Variants in KCNH1 observed in about 807,000 individuals in gnomAD.
KCNH1 encodes potassium voltage-gated channel subfamily H member 1, also known as voltage-gated delayed rectifier potassium channel KCNH1.
Under a neutral mutation model 69.2 loss-of-function variants are expected in KCNH1, and 27 were observed. The ratio of observed to expected loss-of-function variants is 0.39; its 90% confidence interval spans 0.29 to 0.54. KCNH1 has a LOEUF of 0.54. Among genes scored for constraint, KCNH1 ranks in the 20% least tolerant of loss-of-function variants. The pLI, the probability that KCNH1 is intolerant of heterozygous loss-of-function variation, is 0.68. For synonymous variants in KCNH1, 456 were observed against 487.7 expected, an observed-to-expected ratio of 0.93 and a Z score of 0.86; for missense variants, 798 against 1,261.6, an observed-to-expected ratio of 0.63 and a Z score of 5.57.
At chr1:210,894,856 T>C (rs1304909866) in intron 7 of KCNH1, among the ~76,000 whole-genome samples, 1 of 152,188 alleles carries the variant, frequency 6.6e-6, no homozygotes, top group Non-Finnish European at 1.5e-5. Context: ...CTCTTTTCTT[T>C]TTAAATTATC....
At chr1:210,732,725 C>G in intron 10 of KCNH1, among the ~76,000 whole-genome samples, 1 of 152,358 alleles carries the variant, frequency 6.6e-6, no homozygotes, top group African/African-American at 2.4e-5. Flanking sequence ...GGCAAGGGCT[C>G]TGTCTGCTTC....
intron 1 of KCNH1, among the ~76,000 whole-genome samples, chr1:211,111,874 C>T (rs1274134071): frequency 3.5e-5 from 2 of 57,090 alleles, no homozygotes; most frequent in African/African-American, 1.7e-4. Flanking sequence ...AGCACCTCTG[C>T]TTGGCTGCCC....
At chr1:210,877,714 T>C (rs1294493200) in intron 7 of KCNH1, among the ~76,000 whole-genome samples, 1 of 152,188 alleles carries the variant, frequency 6.6e-6, no homozygotes, top group African/African-American at 2.4e-5. Flanking sequence ...GCCTGTGTAC[T>C]CAGAGCTCCC....
At chr1:211,014,667 A>C (rs1689459570) in intron 6 of KCNH1, among the ~76,000 whole-genome samples, 1 of 152,188 alleles carries the variant, frequency 6.6e-6, no homozygotes, top group South Asian at 2.1e-4. Flanking sequence ...CAAAGCCAAC[A>C]CAGCTCACGT....
At chr1:210,825,849 G>A (rs1685020799) in intron 7 of KCNH1, among the ~76,000 whole-genome samples, 1 of 152,206 alleles carries the variant, frequency 6.6e-6, no homozygotes, top group Non-Finnish European at 1.5e-5. Flanking sequence ...CATTTATTAT[G>A]AGGAACTGGT....
Position 211,116,246 on chromosome 1 carries a change from T to A in KCNH1, c.80-8869A>T, listed in dbSNP as rs527960180. 2.0e-5 allele frequency among the ~76,000 whole-genome samples: 3 copies of A among 152,320 alleles called. No homozygotes were observed. The South Asian group carries it at 6.2e-4, about 32-fold the overall frequency. ...AACACCCTCTCAGAAACACTGAGAATAATGTTAGACTAAATATCTGGGCAC... is the reference window on the plus strand; with the variant it reads ...AACACCCTCTCAGAAACACTGAGAAAAATGTTAGACTAAATATCTGGGCAC... On this transcript the variant is annotated intron_variant, in intron 1 of 10. Coordinates refer to ENST00000271751, the MANE Select transcript of KCNH1 (RefSeq NM_172362.3).
intron 10 of KCNH1, among the ~76,000 whole-genome samples, chr1:210,758,905 T>C (rs1373826694): frequency 6.6e-6 from 1 of 152,124 alleles, no homozygotes; most frequent in Non-Finnish European, 1.5e-5. Flanking sequence ...CGGCTCTTAC[T>C]CTTAAGCCAC....
rs140043333 is a variant in KCNH1, at chr1:210,684,089, A to G, written c.2162T>C (p.Met721Thr). 267 of 1,516,288 alleles carry G rather than the reference A, an allele frequency of 1.8e-4. No individual in the cohort carries two copies. Among genetic ancestry groups the G allele is most frequent in the Non-Finnish European group, 2.3e-4 (256 of 1,132,352 alleles). The allele number at this position is 1,516,288 out of a possible 1,614,324, so 93.9% of individuals were successfully genotyped here. ...SDVKREEEER[M>T]KRKNEAPLIL... ...CAGGGGGGCCTCATTCTTTCGTTTCATGCGTTCTTCCTCTTCACGTTTCAC... is the reference window on the plus strand; with the variant it reads ...CAGGGGGGCCTCATTCTTTCGTTTCGTGCGTTCTTCCTCTTCACGTTTCAC... Residue 721 changes from methionine to threonine, a missense_variant, in exon 11 of 11, where the codon ATG becomes ACG. Physicochemically the swap from Met to Thr is moderately conservative, Grantham distance 81. Coordinates refer to ENST00000271751, the MANE Select transcript of KCNH1 (RefSeq NM_172362.3).
intron 1 of KCNH1, among the ~76,000 whole-genome samples, chr1:211,112,966 T>G (rs1691501985): frequency 6.6e-6 from 1 of 152,220 alleles, no homozygotes; most frequent in African/African-American, 2.4e-5. Context: ...TAACACCACA[T>G]ATATCATTAG....
chr1:210,946,808 C>T (rs1265277886), intron 6 of KCNH1, among the ~76,000 whole-genome samples: 9 of 152,118 alleles, frequency 5.9e-5, no homozygotes, highest in Non-Finnish European at 1.2e-4. Flanking sequence ...TTCACGTAGG[C>T]GGGTTTCCAT....
intron 7 of KCNH1, among the ~76,000 whole-genome samples, chr1:210,828,128 C>T (rs183196083): frequency 5.9e-4 from 90 of 152,262 alleles, no homozygotes; most frequent in African/African-American, 2.1e-3. Flanking sequence ...CAGGCATGAG[C>T]CACCGCACCC....
chr1:210,904,755 A>G (rs1401772394), intron 7 of KCNH1, among the ~76,000 whole-genome samples: 1 of 152,214 alleles, frequency 6.6e-6, no homozygotes, highest in East Asian at 1.9e-4. Flanking sequence ...TTTATTCAGC[A>G]CTTGCTATCT....
chr1:210,829,666 T>C (rs950968979), intron 7 of KCNH1, among the ~76,000 whole-genome samples: 1 of 152,184 alleles, frequency 6.6e-6, no homozygotes, highest in African/African-American at 2.4e-5. Context: ...AGGAAGACTC[T>C]TCCCCCAAAT....
chr1:210,766,772 G>A (rs774457511), intron 10 of KCNH1, among the ~76,000 whole-genome samples: 3 of 152,148 alleles, frequency 2.0e-5, no homozygotes, highest in Non-Finnish European at 4.4e-5. Context: ...CCAAAACCGC[G>A]TGGACCTCTG....
At chr1:211,000,394 G>A (rs541009540) in intron 6 of KCNH1, among the ~76,000 whole-genome samples, 2 of 152,296 alleles carry the variant, frequency 1.3e-5, no homozygotes, top group South Asian at 2.1e-4. Context: ...GCCGAATCAT[G>A]AGTGAAATCC....
chr1:210,727,673 G>A lies in KCNH1; in HGVS notation c.2113-43535C>T, dbSNP rs577222216. Among the ~76,000 whole-genome samples, 190 of 152,252 alleles carry A rather than the reference G, an allele frequency of 1.2e-3. No individual in the cohort carries two copies. In the Middle Eastern group the frequency reaches 0.014, roughly 11 times the overall value. On this transcript the variant is annotated intron_variant, in intron 10 of 10. Transcript: ENST00000271751. Reference sequence around the variant, plus strand: ...ACAAAACAAGCTCCTTTTAATAAAGGAATCAGGGAGTTTGGTCCTTTGGAA... The same window carrying A: ...ACAAAACAAGCTCCTTTTAATAAAGAAATCAGGGAGTTTGGTCCTTTGGAA...
intron 6 of KCNH1, among the ~76,000 whole-genome samples, chr1:210,934,797 G>A (rs1471293584): frequency 6.6e-6 from 1 of 151,680 alleles, no homozygotes; most frequent in Admixed American, 6.6e-5. Context: ...TTGCTAGTGA[G>A]GATGAGACGA....
intron 7 of KCNH1, among the ~76,000 whole-genome samples, chr1:210,918,108 C>T (rs1172590554): frequency 6.6e-6 from 1 of 152,132 alleles, no homozygotes; most frequent in Non-Finnish European, 1.5e-5. Flanking sequence ...TGAAAGGACT[C>T]CATCAGACAT....
At chr1:211,093,312 T>A (rs896141168) in intron 3 of KCNH1, among the ~76,000 whole-genome samples, 4 of 152,190 alleles carry the variant, frequency 2.6e-5, no homozygotes, top group Admixed American at 6.5e-5. Flanking sequence ...ACAGGTCCAT[T>A]TGTTTAAAGT....
Sources: allele counts gnomAD v4.1 joint callset (sites outside exome capture counted in the v4.1 genomes callset), GRCh38; gene constraint gnomAD v4.1.1; transcripts MANE v1.5; gene names NCBI Gene and HGNC (gene_info 2026-07-23, HGNC 2026-07-21).